The following PAPPA2 variants were observed in gnomAD, a reference collection of about 807,000 sequenced individuals.
The protein encoded by PAPPA2 is pappalysin 2.
PAPPA2 carries 86 observed loss-of-function variants against 176.4 expected under a neutral mutation model. That is an observed-to-expected ratio of 0.49 (90% CI 0.41 to 0.58). The LOEUF (loss-of-function observed/expected upper bound fraction) is 0.58. Ranked by LOEUF, PAPPA2 falls within the 20% of genes least tolerant of loss-of-function variation. The probability of loss-of-function intolerance (pLI) is 0.00; values close to 1 mark genes in which losing one functional copy is unlikely to be tolerated. For missense variants in PAPPA2, 2,073 were observed against 2,256.9 expected (o/e 0.92, Z 1.65); for synonymous variants, 809 against 852.2 (o/e 0.95, Z 0.88).
At chr1:176,725,220 GT>G (rs1229411836) in intron 12 of PAPPA2, among the ~76,000 whole-genome samples, 4 of 152,078 alleles carry the variant, frequency 2.6e-5, no homozygotes, top group Non-Finnish European at 5.9e-5. Context: ...CATGTTTAAA[GT>G]TTTTTTAACC....
chr1:176,607,121 A>G (rs12061307), intron 3 of PAPPA2, among the ~76,000 whole-genome samples: 26,502 of 151,712 alleles, frequency 0.17, 2,462 homozygotes, highest in Middle Eastern at 0.23. Context: ...GGTGCATGTG[A>G]TATTTTGTTA....
chr1:176,639,322 A>G (rs1212480816), intron 3 of PAPPA2, among the ~76,000 whole-genome samples: 1 of 152,040 alleles, frequency 6.6e-6, no homozygotes, highest in Non-Finnish European at 1.5e-5. Context: ...GGCCCCACCT[A>G]GTTGCATTTG....
intron 1 of PAPPA2, among the ~76,000 whole-genome samples, chr1:176,467,978 G>C (rs566760655): frequency 1.3e-5 from 2 of 152,188 alleles, no homozygotes; most frequent in Non-Finnish European, 2.9e-5. Flanking sequence ...GCTGGCTGGG[G>C]AGAGTAAGAG....
At chr1:176,656,240 G>C (rs1658023608) in intron 3 of PAPPA2, among the ~76,000 whole-genome samples, 1 of 151,766 alleles carries the variant, frequency 6.6e-6, no homozygotes, top group Admixed American at 6.6e-5. Context: ...ATACTTCATT[G>C]CTTCCCTCTC....
At chr1:176,591,085 G>GCACACACACA (rs66535582) in intron 2 of PAPPA2, among the ~76,000 whole-genome samples, 14 of 142,356 alleles carry the variant, frequency 9.8e-5, no homozygotes, top group African/African-American at 2.5e-4. Flanking sequence ...TCACACACAT[G>GCACACACACA]CACACACACA....
At chr1:176,841,661 G>A (rs1472236408) in intron 22 of PAPPA2, among the ~76,000 whole-genome samples, 1 of 152,076 alleles carries the variant, frequency 6.6e-6, no homozygotes, top group East Asian at 1.9e-4. Context: ...GCAGAAGTGA[G>A]TAACTTTTTC....
chr1:176,732,446 A>G (rs1662206489), intron 12 of PAPPA2, among the ~76,000 whole-genome samples: 1 of 152,182 alleles, frequency 6.6e-6, no homozygotes, highest in Non-Finnish European at 1.5e-5. Context: ...GGATTGGATG[A>G]TTTCTTTCGG....
At chr1:176,711,114 T>A (rs1661123167) in intron 11 of PAPPA2, among the ~76,000 whole-genome samples, 1 of 152,130 alleles carries the variant, frequency 6.6e-6, no homozygotes, top group Non-Finnish European at 1.5e-5. Flanking sequence ...CTTCATCACC[T>A]TTAGTTGTAA....
chr1:176,600,769 C>A (rs1035983126), intron 3 of PAPPA2, among the ~76,000 whole-genome samples: 2 of 151,718 alleles, frequency 1.3e-5, no homozygotes, highest in Non-Finnish European at 2.9e-5. Context: ...AAATGCTTTG[C>A]GAGTCATCTA....
At chr1:176,631,711 CG>C (rs1656349022) in intron 3 of PAPPA2, among the ~76,000 whole-genome samples, 1 of 151,878 alleles carries the variant, frequency 6.6e-6, no homozygotes, top group African/African-American at 2.4e-5. Flanking sequence ...CAGATGACAG[CG>C]GGTAAGAGTG....
intron 3 of PAPPA2, among the ~76,000 whole-genome samples, chr1:176,625,405 G>T (rs1439347950): frequency 6.6e-6 from 1 of 152,174 alleles, no homozygotes; most frequent in African/African-American, 2.4e-5. Flanking sequence ...TCATTCGTCT[G>T]TGTCTCCCTG....
chr1:176,602,909 T>G (rs1457349238), intron 3 of PAPPA2, among the ~76,000 whole-genome samples: 4 of 152,186 alleles, frequency 2.6e-5, no homozygotes, highest in Non-Finnish European at 5.9e-5. Context: ...TAAGCCAGTT[T>G]CTCCACAGTT....
intron 2 of PAPPA2, among the ~76,000 whole-genome samples, chr1:176,561,258 A>T (rs1218251596): frequency 6.6e-6 from 1 of 152,248 alleles, no homozygotes; most frequent in Non-Finnish European, 1.5e-5. Flanking sequence ...CCAAAAAATG[A>T]AAAATAAGAC....
At chr1:176,475,508 G>A (rs895351719) in intron 1 of PAPPA2, among the ~76,000 whole-genome samples, 8 of 152,148 alleles carry the variant, frequency 5.3e-5, no homozygotes, top group African/African-American at 1.9e-4. Context: ...AACCATATGT[G>A]CTTTCACTTT....
intron 1 of PAPPA2, among the ~76,000 whole-genome samples, chr1:176,554,972 AGTGTGTGTGT>A (rs561289002): frequency 1.4e-5 from 2 of 140,816 alleles, no homozygotes; most frequent in Non-Finnish European, 3.1e-5. Flanking sequence ...GTTCACAGTA[AGTGTGTGTGT>A]GTGTGTGTGT....
chr1:176,728,452 G>T (rs1661983619), intron 12 of PAPPA2, among the ~76,000 whole-genome samples: 2 of 151,840 alleles, frequency 1.3e-5, no homozygotes, highest in African/African-American at 4.8e-5. Flanking sequence ...AAAATAACTA[G>T]AAATAAAACT....
intron 3 of PAPPA2, among the ~76,000 whole-genome samples, chr1:176,617,351 G>A (rs1655325742): frequency 6.6e-6 from 1 of 152,050 alleles, no homozygotes; most frequent in Non-Finnish European, 1.5e-5. Context: ...GTGGCAGAGT[G>A]GTGGTGGTGG....
intron 3 of PAPPA2, among the ~76,000 whole-genome samples, chr1:176,623,655 C>CTT (rs1342073858): frequency 7.6e-6 from 1 of 132,340 alleles, no homozygotes; most frequent in South Asian, 2.6e-4. Context: ...TTCTTTCTTT[C>CTT]TTTCTTTCTT....
intron 4 of PAPPA2, among the ~76,000 whole-genome samples, chr1:176,677,864 A>G (rs17546000): frequency 0.13 from 19,121 of 152,272 alleles, 1,469 homozygotes; most frequent in South Asian, 0.23. Context: ...CCATAGATAG[A>G]ATAATGAAAA....
Sources: allele counts gnomAD v4.1 joint callset (sites outside exome capture counted in the v4.1 genomes callset), GRCh38; gene constraint gnomAD v4.1.1; transcripts MANE v1.5; gene names NCBI Gene and HGNC (gene_info 2026-07-23, HGNC 2026-07-21).